Variants in PRUNE2 observed in about 807,000 individuals in gnomAD.
PRUNE2 encodes the protein prune homolog 2 with BCH domain.
In PRUNE2, 164 loss-of-function variants were observed where a neutral mutation model predicts 252.0. The ratio of observed to expected loss-of-function variants is 0.65; its 90% CI spans 0.57 to 0.74. The LOEUF is 0.74. PRUNE2 is among the 30% of genes least tolerant of loss of function. The pLI is 0.00. For synonymous variants in PRUNE2, 1,292 were observed against 1,350.2 expected (o/e 0.96, Z 0.94); for missense variants, 3,495 against 3,711.0 (o/e 0.94, Z 1.51).
Position 76,709,580 on chromosome 9 carries a change from T to C in PRUNE2, c.2694A>G (p.Glu898=). 1.2e-6 allele frequency: 2 copies of C among 1,614,006 alleles called. No individual in the cohort carries two copies. Among genetic ancestry groups the C allele is most frequent in the Non-Finnish European group, 1.7e-6 (2 of 1,179,904 alleles). ...TAGGATCCACTAAACCATTCTGATC[T>C]TCTTTTGGTGGCTTAGAATTAGTCC... ...HTWTNSKPPK[E]DQNGLVDPKT... The change falls in exon 8 of 19, where the codon GAA becomes GAG. Residue 898 remains glutamate, a synonymous_variant. Coordinates refer to ENST00000376718, the MANE Select transcript of PRUNE2 (RefSeq NM_015225.3).
intron 6 of PRUNE2, among the ~76,000 whole-genome samples, chr9:76,718,640 A>G (rs1408115240): frequency 8.6e-5 from 13 of 151,930 alleles, no homozygotes; most frequent in Admixed American, 8.5e-4. Flanking sequence ...GCCTCCAAAT[A>G]TTCACACCCA....
At chr9:76,891,033 G>C (rs565635796) in intron 1 of PRUNE2, among the ~76,000 whole-genome samples, 2 of 152,232 alleles carry the variant, frequency 1.3e-5, no homozygotes, top group Non-Finnish European at 2.9e-5. Context: ...TGTTGCCTTT[G>C]TCATGCTATG....
At chr9:76,890,672 C>T (rs1489168156) in intron 1 of PRUNE2, among the ~76,000 whole-genome samples, 1 of 152,150 alleles carries the variant, frequency 6.6e-6, no homozygotes, top group African/African-American at 2.4e-5. Context: ...AAGTCTACTT[C>T]CCTCGGCATA....
At chr9:76,628,386 A>G (rs1433994759) in intron 16 of PRUNE2, among the ~76,000 whole-genome samples, 1 of 152,164 alleles carries the variant, frequency 6.6e-6, no homozygotes, top group Admixed American at 6.6e-5. Context: ...CTCACCCACC[A>G]CTGGGCAAAT....
chr9:76,623,453 C>T (rs1010430195), intron 17 of PRUNE2, among the ~76,000 whole-genome samples: 17 of 152,106 alleles, frequency 1.1e-4, no homozygotes, highest in African/African-American at 4.1e-4. Context: ...CACCACCATG[C>T]CCAGCTAATT....
intron 1 of PRUNE2, among the ~76,000 whole-genome samples, chr9:76,865,806 TACACACACACACAC>T (rs34661457): frequency 3.1e-5 from 4 of 127,150 alleles, no homozygotes; most frequent in East Asian, 2.2e-4. Context: ...TCTCTCTCCC[TACACACACACACAC>T]ACACACACAC....
intron 15 of PRUNE2, among the ~76,000 whole-genome samples, chr9:76,631,152 G>A (rs1031707459): frequency 2.0e-5 from 3 of 152,194 alleles, no homozygotes; most frequent in Admixed American, 2.0e-4. Context: ...CCAGTGATAT[G>A]CTACATTAAG....
intron 3 of PRUNE2, among the ~76,000 whole-genome samples, chr9:76,846,893 T>C (rs1188489309): frequency 1.3e-5 from 2 of 152,210 alleles, no homozygotes; most frequent in African/African-American, 2.4e-5. Context: ...AATACGTACA[T>C]ACCTTCCCAG....
chr9:76,820,327 A>G (rs755491958), intron 6 of PRUNE2, among the ~76,000 whole-genome samples: 6 of 152,192 alleles, frequency 3.9e-5, no homozygotes, highest in Non-Finnish European at 8.8e-5. Flanking sequence ...TATTTGTGAG[A>G]TAACTACAAT....
At position 76,710,669 on chromosome 9, in the gene PRUNE2, C is replaced by A; in HGVS notation, c.1605G>T (p.Gly535=). 1 of 1,611,970 alleles carries A rather than the reference C, an allele frequency of 6.2e-7. No homozygotes were observed. Among genetic ancestry groups the A allele is most frequent in the Non-Finnish European group, 8.5e-7 (1 of 1,178,960 alleles). The change falls in exon 8 of 19, where the codon GGG becomes GGT. Residue 535 remains glycine, a synonymous_variant. Transcript: ENST00000376718. ...TTCCCATGCCATCAAGTCCTTCAGG[C>A]CCAGCGGGGAGCTGTCCTTCTGACA... ...SDLSEGQLPA[G]PEGLDGMGTN...
intron 6 of PRUNE2, among the ~76,000 whole-genome samples, chr9:76,746,648 T>C (rs1013081681): frequency 7.2e-6 from 1 of 138,338 alleles, no homozygotes; most frequent in Non-Finnish European, 1.5e-5. Flanking sequence ...GAGCTTGCAG[T>C]GAGCCGAGAT....
At chr9:76,750,832 A>G (rs2050546780) in intron 6 of PRUNE2, among the ~76,000 whole-genome samples, 1 of 152,198 alleles carries the variant, frequency 6.6e-6, no homozygotes, top group East Asian at 1.9e-4. Context: ...ATGTGTCTAG[A>G]AATCAATGAA....
intron 6 of PRUNE2, among the ~76,000 whole-genome samples, chr9:76,730,741 A>C (rs1271331778): frequency 6.6e-6 from 1 of 152,162 alleles, no homozygotes; most frequent in Non-Finnish European, 1.5e-5. Context: ...CTCTATTAAA[A>C]GTACAAAAAT....
At chr9:76,850,885 A>G (rs73653225) in intron 2 of PRUNE2, among the ~76,000 whole-genome samples, 9,772 of 151,998 alleles carry the variant, frequency 0.064, 368 homozygotes, top group East Asian at 0.15. Context: ...CCTACTTGAA[A>G]CATCTCATGC....
chr9:76,638,104 T>C, intron 13 of PRUNE2, 82 bp downstream of exon 13: 2 of 838,966 alleles, frequency 2.4e-6, no homozygotes, highest in East Asian at 5.1e-5. Flanking sequence ...ACATCATCTA[T>C]TTTCTTTAAT....
intron 5 of PRUNE2, 52 bp downstream of exon 5, chr9:76,826,528 C>G: frequency 7.2e-7 from 1 of 1,379,806 alleles, no homozygotes; most frequent in Non-Finnish European, 9.8e-7. Flanking sequence ...CTCCATGCCA[C>G]AAACCATCCC....
intron 6 of PRUNE2, chr9:76,738,225 T>C (rs1430169435): frequency 1.3e-5 from 2 of 152,216 alleles, no homozygotes; most frequent in Non-Finnish European, 2.9e-5. Context: ...GGCGTAAACA[T>C]TAGCGAGCAA....
rs552023318 is a variant in PRUNE2, at chr9:76,805,296, C to G, written c.756+18336G>C. On this transcript the variant is annotated intron_variant, in intron 6 of 18. Transcript: ENST00000376718. ...CACGAGTCAGCTCAGGCAAGACCAG[C>G]AGAATCATGAGAATACTACATTGTT... Among the ~76,000 whole-genome samples, 5 of 152,292 alleles carry G rather than the reference C, an allele frequency of 3.3e-5. No individual in the cohort carries two copies. In the East Asian group the frequency reaches 9.7e-4, roughly 29 times the overall value.
Position 76,655,489 on chromosome 9 carries a change from C to T in PRUNE2, c.8290G>A (p.Asp2764Asn), listed in dbSNP as rs1368217438. 2 of 1,612,472 alleles carry T rather than the reference C, an allele frequency of 1.2e-6. No individual in the cohort carries two copies. Among genetic ancestry groups the T allele is most frequent in the Non-Finnish European group, 1.7e-6 (2 of 1,179,208 alleles). Residue 2764 changes from aspartate to asparagine, a missense_variant, in exon 10 of 19, where the codon GAT becomes AAT. Transcript: ENST00000376718. ...TCAAAGGGGATGTCCATTCCTACAT[C>T]CTCTGACAGTAGTCTGCAAAAAAAG... is the stretch of plus-strand genomic sequence containing the variant. The part of the protein sequence containing the change: ...ISRPNGLLSE[D>N]VGMDIPFEEG...
Sources: allele counts gnomAD v4.1 joint callset (sites outside exome capture counted in the v4.1 genomes callset), GRCh38; gene constraint gnomAD v4.1.1; transcripts MANE v1.5; gene names NCBI Gene and HGNC (gene_info 2026-07-23, HGNC 2026-07-21).